The following CSMD3 variants were observed in gnomAD, a reference collection of about 807,000 sequenced individuals.
The protein encoded by CSMD3 is CUB and Sushi multiple domains 3.
A neutral mutation model predicts 435.2 loss-of-function variants in CSMD3; 177 were observed. The observed-to-expected ratio is 0.41, with a 90% confidence interval of 0.36 to 0.46. The LOEUF is 0.46. Ranked by LOEUF, CSMD3 falls within the 20% of genes least tolerant of loss-of-function variation. The probability of loss-of-function intolerance (pLI) is 0.34; values close to 1 mark genes in which losing one functional copy is unlikely to be tolerated. For synonymous variants in CSMD3, 1,656 were observed against 1,520.5 expected (o/e 1.09, Z -2.07); for missense variants, 4,265 against 4,504.6 (o/e 0.95, Z 1.52).
At chr8:112,858,826 A>G (rs1446319602) in intron 11 of CSMD3, among the ~76,000 whole-genome samples, 2 of 151,906 alleles carry the variant, frequency 1.3e-5, no homozygotes, top group African/African-American at 4.8e-5. Context: ...CAAACAGAAA[A>G]GACACAAAAA....
chr8:112,233,611 C>T (rs866594205), intron 68 of CSMD3, among the ~76,000 whole-genome samples: 21 of 152,042 alleles, frequency 1.4e-4, no homozygotes, highest in South Asian at 4.1e-4. Context: ...TGAAACTTAT[C>T]GAAGGCTACT....
chr8:112,387,465 ATGTGTGTGTGTG>A (rs34034900), intron 36 of CSMD3, among the ~76,000 whole-genome samples: 10 of 144,112 alleles, frequency 6.9e-5, no homozygotes, highest in South Asian at 2.3e-4. Context: ...GTCATATATT[ATGTGTGTGTGTG>A]TGTGTGTGTG....
chr8:112,445,037 GTTCAAGACCAGTCTGGGCAACATGGTGA>G (rs1815440482), intron 32 of CSMD3, among the ~76,000 whole-genome samples: 1 of 152,136 alleles, frequency 6.6e-6, no homozygotes. Context: ...GAGGTCAGAA[GTTCAAGACCAGTCTGGGCAACATGGTGA>G]AACCCCTTCT....
chr8:112,289,189 T>C (rs1819519704), intron 57 of CSMD3, among the ~76,000 whole-genome samples, 176 bp downstream of exon 57: 1 of 152,160 alleles, frequency 6.6e-6, no homozygotes, highest in South Asian at 2.1e-4. Context: ...ACCCTGCATT[T>C]CTATAGCCTT....
chr8:112,318,963 A>T lies in CSMD3; in HGVS notation c.7247-13T>A, dbSNP rs2130861638. On this transcript the variant is annotated splice_polypyrimidine_tract_variant and intron_variant, in intron 46 of 70. Transcript: ENST00000297405. ...CTAATAATATCACCTATTAAACAAA[A>T]GAGGGGAGGTTTCATATAAGCAACA... The T allele has an allele frequency of 6.8e-7, 1 of 1,466,254 alleles. No individual in the cohort carries two copies. 90.8% of individuals were successfully genotyped at this position (1,466,254 alleles called of 1,614,324 possible).
chr8:113,012,050 A>G (rs2086274101), intron 6 of CSMD3, among the ~76,000 whole-genome samples: 1 of 151,818 alleles, frequency 6.6e-6, no homozygotes, highest in Non-Finnish European at 1.5e-5. Flanking sequence ...GATGATAATA[A>G]TGTCAAAATC....
At chr8:112,637,996 A>T (rs528560694) in intron 21 of CSMD3, among the ~76,000 whole-genome samples, 1 of 151,890 alleles carries the variant, frequency 6.6e-6, no homozygotes, top group East Asian at 1.9e-4. Flanking sequence ...AGTTGTGTTC[A>T]TTCAAATGGA....
chr8:112,444,065 A>T (rs1815337156), intron 32 of CSMD3, among the ~76,000 whole-genome samples: 1 of 152,208 alleles, frequency 6.6e-6, no homozygotes, highest in African/African-American at 2.4e-5. Flanking sequence ...TGAATGCATA[A>T]GTTCCACATT....
intron 12 of CSMD3, among the ~76,000 whole-genome samples, chr8:112,813,959 C>T (rs2079300013): frequency 6.6e-6 from 1 of 152,218 alleles, no homozygotes; most frequent in South Asian, 2.1e-4. Flanking sequence ...TTCGCCCCGT[C>T]CTCCCAGTGC....
intron 1 of CSMD3, among the ~76,000 whole-genome samples, chr8:113,333,596 T>C (rs1192086086): frequency 6.6e-6 from 1 of 151,818 alleles, no homozygotes; most frequent in African/African-American, 2.4e-5. Context: ...CTTGTTTGAG[T>C]CTATCTTTGA....
rs556051645 is a variant in CSMD3, at chr8:112,647,811, C to A, written c.3193+2350G>T. 1.4e-4 allele frequency among the ~76,000 whole-genome samples: 21 copies of A among 152,106 alleles called. 1 individual carries two copies. The highest frequency in any genetic ancestry group is 4.8e-4 in the African/African-American group (20 of 41,484). ...TCTAAATGAGATTATTTTACATTGC[C>A]AATGTTTTAAGTTGCATTTGTTTTA... On this transcript the variant is annotated intron_variant, in intron 19 of 70. Coordinates refer to ENST00000297405, the MANE Select transcript of CSMD3 (RefSeq NM_198123.2).
chr8:112,531,203 T>C (rs1482586153), intron 27 of CSMD3, among the ~76,000 whole-genome samples: 2 of 152,022 alleles, frequency 1.3e-5, no homozygotes, highest in Admixed American at 6.6e-5. Context: ...ATGCGGCAGA[T>C]CCCCAAAGCC....
intron 24 of CSMD3, among the ~76,000 whole-genome samples, chr8:112,572,708 C>T (rs143345547): frequency 3.9e-5 from 6 of 152,186 alleles, no homozygotes; most frequent in African/African-American, 9.6e-5. Context: ...TCAATTTGAT[C>T]TGACAGATTG....
At chr8:113,180,333 CA>C (rs1024204433) in intron 3 of CSMD3, among the ~76,000 whole-genome samples, 2 of 151,930 alleles carry the variant, frequency 1.3e-5, no homozygotes, top group African/African-American at 4.8e-5. Flanking sequence ...CCATTTCATT[CA>C]CACAGGACAT....
intron 38 of CSMD3, among the ~76,000 whole-genome samples, chr8:112,357,886 A>G (rs149412503): frequency 0.012 from 1,804 of 152,270 alleles, 38 homozygotes; most frequent in African/African-American, 0.041. Context: ...CCCTACACAG[A>G]GTCCCTACTG....
chr8:113,372,966 A>G (rs6998995), intron 1 of CSMD3, among the ~76,000 whole-genome samples: 1 of 151,860 alleles, frequency 6.6e-6, no homozygotes, highest in Non-Finnish European at 1.5e-5. Flanking sequence ...GAAAGAAAAG[A>G]CACATTTATA....
At chr8:112,291,880 C>G (rs1819797764) in intron 55 of CSMD3, among the ~76,000 whole-genome samples, 185 bp from the exon 56 acceptor site, 1 of 151,592 alleles carries the variant, frequency 6.6e-6, no homozygotes, top group Admixed American at 6.6e-5. Flanking sequence ...GTAGAAAATA[C>G]AGAAGAAAGA....
At chr8:112,823,699 T>C (rs2079591934) in intron 12 of CSMD3, among the ~76,000 whole-genome samples, 1 of 152,180 alleles carries the variant, frequency 6.6e-6, no homozygotes, top group Non-Finnish European at 1.5e-5. Context: ...TTTGTTATGA[T>C]TTCAGTTCTT....
rs553230802 is a variant in CSMD3 at position 113,138,043 on chromosome 8, T to C, written c.709+35679A>G. Among the ~76,000 whole-genome samples the C allele has an allele frequency of 1.4e-4, 21 of 151,716 alleles. No individual in the cohort carries two copies. In the South Asian group the frequency reaches 3.9e-3, roughly 28 times the overall value. On this transcript the variant is annotated intron_variant, in intron 4 of 70. Coordinates refer to ENST00000297405, the MANE Select transcript of CSMD3 (RefSeq NM_198123.2). The stretch of plus-strand genomic sequence containing the variant: ...TTGCAATGTTCTGCCCTATCAAATA[T>C]GCTCCTGCTCTTTTTTTCCCTAATG...
Sources: allele counts gnomAD v4.1 joint callset (sites outside exome capture counted in the v4.1 genomes callset), GRCh38; gene constraint gnomAD v4.1.1; transcripts MANE v1.5; gene names NCBI Gene and HGNC (gene_info 2026-07-23, HGNC 2026-07-21).